Variants in CEP250 observed in about 807,000 individuals in gnomAD.
CEP250 encodes the protein centrosome-associated protein CEP250.
In CEP250, 242 loss-of-function variants were observed where a neutral mutation model predicts 315.7. The ratio of observed to expected loss-of-function variants is 0.77; its 90% CI spans 0.69 to 0.85. The LOEUF is 0.85. Among genes scored for constraint, CEP250 ranks in the 40% least tolerant of loss-of-function variants. CEP250 has a pLI of 0.00. For synonymous variants in CEP250, 1,088 were observed against 1,175.0 expected (o/e 0.93, Z 1.51); for missense variants, 2,515 against 2,886.4 (o/e 0.87, Z 2.95).
rs1186832440 is a variant in CEP250 at position 35,512,457 on chromosome 20, A to G, written c.*831A>G. ...AGCTAAAGTCAGAGTCTCTGAGTTC[A>G]GAAGCTCCACATGGCCTCATTCCTC... is the stretch of plus-strand genomic sequence containing the variant. On this transcript the variant is annotated 3_prime_UTR_variant, in exon 35 of 35. Transcript: ENST00000397527. The G allele has an allele frequency of 6.6e-6, 1 of 152,262 alleles. No homozygotes were observed. Among genetic ancestry groups the G allele is most frequent in the Non-Finnish European group, 1.5e-5 (1 of 68,066 alleles). The allele number at this position is 152,262 out of a possible 1,614,324, so 9.4% of individuals were successfully genotyped here.
intron 1 of CEP250, among the ~76,000 whole-genome samples, chr20:35,457,396 C>T (rs1298618227): frequency 6.6e-6 from 1 of 151,978 alleles, no homozygotes; most frequent in African/African-American, 2.4e-5. Context: ...TTTATTTGAG[C>T]ATCTTGTCCC....
chr20:35,497,860 GC>G lies in CEP250; in HGVS notation c.3451del (p.Gln1151AsnfsTer13). The G allele has an allele frequency of 1.9e-6, 3 of 1,592,112 alleles. No individual in the cohort carries two copies. The highest frequency in any genetic ancestry group is 2.6e-6 in the Non-Finnish European group (3 of 1,169,376). Reference protein sequence around the residue: ...ASLWAQEAKAAQLQLRLRSTE... With the variant: ...ASLWAQEAKAXQLQLRLRSTE... ...CTTGTGGGCCCAGGAAGCCAAGGCA[GC>G]CCAACTACAGCTGCGACTGCGCAGC... On this transcript the variant is annotated frameshift_variant, in exon 26 of 35. Transcript: ENST00000397527. LOFTEE classifies it high-confidence loss of function.
chr20:35,509,795 T>C (rs527564498), intron 33 of CEP250, among the ~76,000 whole-genome samples: 2 of 152,372 alleles, frequency 1.3e-5, no homozygotes, highest in Admixed American at 1.3e-4. Context: ...CAGGTCTCCA[T>C]GGCGTTGCCC....
intron 2 of CEP250, among the ~76,000 whole-genome samples, chr20:35,459,769 C>T (rs145704840): frequency 8.5e-4 from 130 of 152,200 alleles, no homozygotes; most frequent in African/African-American, 2.9e-3. Flanking sequence ...GAGCTAGATC[C>T]TTTCTCTAAA....
Position 35,504,565 on chromosome 20 carries a change from G to A in CEP250, c.6196G>A (p.Ala2066Thr). 6.2e-7 allele frequency: 1 copy of A among 1,614,166 alleles called. No individual in the cohort carries two copies. Among genetic ancestry groups the A allele is most frequent in the East Asian group, 2.2e-5 (1 of 44,886 alleles). ...GGAGCAGCTGCTGGAGAAGTCTCTG[G>A]CCCAGAGGGTCCAAGAGAATATGAT... ...EREQLLEKSL[A>T]QRVQENMIQE... The change falls in exon 30 of 35, where the codon GCC (alanine) becomes ACC (threonine). Residue 2066 changes from alanine to threonine, a missense_variant. Coordinates refer to ENST00000397527, the MANE Select transcript of CEP250 (RefSeq NM_007186.6).
In CEP250 at chr20:35,503,124, C is replaced by A; in HGVS notation, c.4755C>A (p.Thr1585=). The A allele has an allele frequency of 6.2e-7, 1 of 1,614,066 alleles. No individual in the cohort carries two copies. Among genetic ancestry groups the A allele is most frequent in the Non-Finnish European group, 8.5e-7 (1 of 1,180,016 alleles). Residue 1585 remains threonine, a synonymous_variant, in exon 30 of 35, where the codon ACC becomes ACA. Coordinates refer to ENST00000397527, the MANE Select transcript of CEP250 (RefSeq NM_007186.6). The surrounding 1 kb of genome is among the most constrained non-coding windows in gnomAD (Gnocchi z 4.2). ...AGGAGCTGGAGGGCCAGAGGGAAACCCAGAGAGTGGCTTTGACCCACCTTA... is the reference window on the plus strand; with the variant it reads ...AGGAGCTGGAGGGCCAGAGGGAAACACAGAGAGTGGCTTTGACCCACCTTA... The part of the protein sequence containing the change: ...LIKELEGQRE[T]QRVALTHLTL...
At chr20:35,491,073 T>A in intron 21 of CEP250, 139 bp from the exon 22 acceptor site, 1 of 1,072,696 alleles carries the variant, frequency 9.3e-7, no homozygotes, top group Non-Finnish European at 1.3e-6. Context: ...TCTGAACCCA[T>A]GGGCTCAGAC....
intron 30 of CEP250, among the ~76,000 whole-genome samples, 186 bp downstream of exon 30, chr20:35,505,191 C>T (rs2064151770): frequency 6.6e-6 from 1 of 152,168 alleles, no homozygotes; most frequent in Admixed American, 6.5e-5. Flanking sequence ...GATAAGAACC[C>T]CACAGTCCCT....
chr20:35,504,222 C>T lies in CEP250; in HGVS notation c.5853C>T (p.Ser1951=). The change falls in exon 30 of 35, where the codon TCC becomes TCT. Residue 1951 remains serine, a synonymous_variant. Transcript: ENST00000397527. ...AAGCTCTGCGGGCAGAAAGTCAGTC[C>T]TCCCGGCATCAGGAGGAGGCTGCCC... ...ELEALRAESQ[S]SRHQEEAARA... 1 of 1,609,442 alleles carries T rather than the reference C, an allele frequency of 6.2e-7. No homozygotes were observed. The highest frequency in any genetic ancestry group is 8.5e-7 in the Non-Finnish European group (1 of 1,178,156).
chr20:35,507,076 C>T (rs559568526), intron 30 of CEP250, among the ~76,000 whole-genome samples: 84 of 152,316 alleles, frequency 5.5e-4, no homozygotes, highest in African/African-American at 2.0e-3. Flanking sequence ...GGAATGAGGT[C>T]TGAGTCATCT....
intron 20 of CEP250, 144 bp downstream of exon 20, chr20:35,480,289 A>G (rs975008723): frequency 1.2e-6 from 1 of 811,676 alleles, no homozygotes; most frequent in Non-Finnish European, 1.9e-6. Context: ...ATGAGTTAAT[A>G]TATGAAAAGC....
At chr20:35,509,826 C>T (rs1335470573) in intron 33 of CEP250, among the ~76,000 whole-genome samples, 172 bp from the exon 34 acceptor site, 2 of 152,256 alleles carry the variant, frequency 1.3e-5, no homozygotes, top group Non-Finnish European at 2.9e-5. Flanking sequence ...TGTGGGGCCT[C>T]TCCTTGCTGC....
chr20:35,491,488 G>C (rs990816216), intron 22 of CEP250, 142 bp downstream of exon 22: 101 of 948,180 alleles, frequency 1.1e-4, no homozygotes, highest in Non-Finnish European at 1.6e-4. Flanking sequence ...TATGGCACAG[G>C]CTGGGCAGGG....
chr20:35,476,626 A>G (rs2063181616), intron 16 of CEP250, 31 bp downstream of exon 16: 2 of 1,603,848 alleles, frequency 1.2e-6, no homozygotes, highest in Non-Finnish European at 1.7e-6. Flanking sequence ...TCCCCACAGA[A>G]GGGCTGGGCC....
intron 20 of CEP250, among the ~76,000 whole-genome samples, chr20:35,486,689 T>C (rs558750356): frequency 5.3e-5 from 8 of 152,366 alleles, no homozygotes; most frequent in African/African-American, 1.9e-4. Context: ...ATCTTGTTTA[T>C]CAAGTATCTG....
chr20:35,508,241 C>T, intron 32 of CEP250, 51 bp downstream of exon 32: 1 of 1,594,058 alleles, frequency 6.3e-7, no homozygotes, highest in Non-Finnish European at 8.6e-7. Flanking sequence ...CTCGTGTGGT[C>T]CCTAGAGCAT....
chr20:35,499,847 C>T (rs1441978159), intron 27 of CEP250, among the ~76,000 whole-genome samples: 1 of 152,180 alleles, frequency 6.6e-6, no homozygotes, highest in Non-Finnish European at 1.5e-5. Context: ...TGGATTCTCA[C>T]ACTCCATCCA....
At chr20:35,463,536 G>T in intron 4 of CEP250, 39 bp from the exon 5 acceptor site, 1 of 1,570,588 alleles carries the variant, frequency 6.4e-7, no homozygotes, top group Non-Finnish European at 8.6e-7. Context: ...GTTTGTGCCA[G>T]CTGTGTTCAT....
rs1385259178 is a variant in CEP250 at position 35,502,897 on chromosome 20, A to C, written c.4528A>C (p.Ile1510Leu). Residue 1510 changes from isoleucine (I) to leucine (L), a missense_variant, in exon 30 of 35, where the codon ATC (isoleucine) becomes CTC (leucine). Ile to Leu is a conservative substitution (Grantham distance 5, BLOSUM62 2). Transcript: ENST00000397527. Reference protein sequence around the residue: ...EQKLTVQREQIRELEKDRETQ... With the variant: ...EQKLTVQREQLRELEKDRETQ... ...GAAGCTGACTGTGCAGAGGGAGCAG[A>C]TCAGAGAGCTCGAGAAGGATCGGGA... 1 of 1,614,098 alleles carries C rather than the reference A, an allele frequency of 6.2e-7. No homozygotes were observed. The highest frequency in any genetic ancestry group is 1.3e-5 in the African/African-American group (1 of 74,936).
Sources: allele counts gnomAD v4.1 joint callset (sites outside exome capture counted in the v4.1 genomes callset), GRCh38; gene constraint gnomAD v4.1.1; non-coding constraint Gnocchi (gnomAD v3.1); transcripts MANE v1.5; gene names NCBI Gene and HGNC (gene_info 2026-07-23, HGNC 2026-07-21).